MTOR: variants seen among roughly 807,000 people sequenced by gnomAD.
MTOR encodes the protein mechanistic target of rapamycin kinase.
In MTOR, 70 loss-of-function variants were observed where a neutral mutation model predicts 319.8. That is an observed-to-expected ratio of 0.22 (90% CI 0.18 to 0.27). MTOR has a LOEUF of 0.27. MTOR is among the 10% of genes least tolerant of loss of function. The pLI is 1.00. For synonymous variants in MTOR, 1,183 were observed against 1,211.4 expected (o/e 0.98, Z 0.49); for missense variants, 1,890 against 3,274.4 (o/e 0.58, Z 10.32).
At chr1:11,141,864 G>T (rs1269096771) in intron 34 of MTOR, among the ~76,000 whole-genome samples, 3 of 150,922 alleles carry the variant, frequency 2.0e-5, no homozygotes, top group African/African-American at 4.8e-5. Flanking sequence ...AGCCAGGCGT[G>T]GTGGTGGGCG....
intron 34 of MTOR, among the ~76,000 whole-genome samples, chr1:11,141,441 T>C (rs1643699406): frequency 1.3e-5 from 2 of 152,070 alleles, no homozygotes; most frequent in Non-Finnish European, 1.5e-5. Flanking sequence ...CGGTCTCGGC[T>C]CACTGCAACC....
intron 18 of MTOR, 130 bp from the exon 19 acceptor site, chr1:11,229,048 C>T: frequency 1.7e-6 from 2 of 1,203,412 alleles, no homozygotes; most frequent in African/African-American, 1.5e-5. Context: ...TATGTTCTAA[C>T]ACTGTTGGGA....
intron 49 of MTOR, among the ~76,000 whole-genome samples, chr1:11,119,046 G>A (rs1396153744): frequency 6.6e-6 from 1 of 152,070 alleles, no homozygotes; most frequent in African/African-American, 2.4e-5. Context: ...CTTGGGTTAA[G>A]ACTTAAATGT....
intron 28 of MTOR, chr1:11,193,829 C>T (rs1479701416): frequency 1.4e-5 from 21 of 1,546,562 alleles, no homozygotes; most frequent in Middle Eastern, 1.9e-4. Flanking sequence ...CACATGACCG[C>T]GTACAACTCC....
chr1:11,110,393 A>G (rs1231202527), intron 54 of MTOR, among the ~76,000 whole-genome samples: 1 of 152,152 alleles, frequency 6.6e-6, no homozygotes, highest in African/African-American at 2.4e-5. Flanking sequence ...GAATGAAGGT[A>G]GTGATAATTA....
At chr1:11,183,668 G>A (rs1266651422) in intron 28 of MTOR, among the ~76,000 whole-genome samples, 1 of 151,974 alleles carries the variant, frequency 6.6e-6, no homozygotes, top group African/African-American at 2.4e-5. Flanking sequence ...GCTTATCTTA[G>A]GAAGCCACTT....
Position 11,240,297 on chromosome 1 carries a change from T to G in MTOR, c.1786+6A>C. ...TATCTTGGCAAGAGCCGTTGTAATT[T>G]CTTACCTTCAAATTCAAAGCTGCCA... On this transcript the variant is annotated splice_donor_region_variant and intron_variant, in intron 11 of 57. Transcript: ENST00000361445. The G allele has an allele frequency of 6.5e-7, 1 of 1,550,294 alleles. No homozygotes were observed. The highest frequency in any genetic ancestry group is 8.7e-7 in the Non-Finnish European group (1 of 1,149,332).
chr1:11,138,519 C>T (rs187155292), intron 36 of MTOR, among the ~76,000 whole-genome samples: 1 of 152,298 alleles, frequency 6.6e-6, no homozygotes, highest in Admixed American at 6.5e-5. Context: ...AGTGTGCCTT[C>T]TGCAGAAACA....
chr1:11,106,658 C>G lies in MTOR; in HGVS notation c.*827G>C. Reference sequence around the variant, plus strand: ...GAGTATTTGTTCTGCTCATAATTTCCAATATGTACCAGACCTTCCCTGTGT... The same window carrying G: ...GAGTATTTGTTCTGCTCATAATTTCGAATATGTACCAGACCTTCCCTGTGT... On this transcript the variant is annotated 3_prime_UTR_variant, in exon 58 of 58. Coordinates refer to ENST00000361445, the MANE Select transcript of MTOR (RefSeq NM_004958.4). The G allele has an allele frequency of 9.1e-7, 1 of 1,104,116 alleles. No individual in the cohort carries two copies. The highest frequency in any genetic ancestry group is 4.5e-5 in the East Asian group (1 of 22,450). The allele number at this position is 1,104,116 out of a possible 1,614,324, so 68.4% of individuals were successfully genotyped here.
chr1:11,252,089 G>A (rs12143731), intron 6 of MTOR, among the ~76,000 whole-genome samples: 9,073 of 152,118 alleles, frequency 0.06, 385 homozygotes, highest in South Asian at 0.12. Flanking sequence ...ACCAAAATCT[G>A]CAGATGCTCA....
intron 25 of MTOR, among the ~76,000 whole-genome samples, chr1:11,207,276 A>AT (rs1646165650): frequency 6.6e-6 from 1 of 151,310 alleles, no homozygotes; most frequent in Non-Finnish European, 1.5e-5. Context: ...TAATTTTTGT[A>AT]TTTTTTGTAG....
At chr1:11,239,373 A>G (rs1201220614) in intron 11 of MTOR, among the ~76,000 whole-genome samples, 1 of 152,194 alleles carries the variant, frequency 6.6e-6, no homozygotes, top group African/African-American at 2.4e-5. Flanking sequence ...GAAATAAATT[A>G]TCATGGGTGT....
At chr1:11,193,746 A>C in intron 28 of MTOR, 3 of 1,614,138 alleles carry the variant, frequency 1.9e-6, no homozygotes, top group Non-Finnish European at 1.7e-6. Flanking sequence ...CTCTCCAGAC[A>C]GCCAACCCGG....
intron 28 of MTOR, among the ~76,000 whole-genome samples, chr1:11,197,424 G>A (rs1645823681): frequency 6.6e-6 from 1 of 152,198 alleles, no homozygotes; most frequent in Non-Finnish European, 1.5e-5. Context: ...AAGGTGATGG[G>A]AAGACACAGG....
At chr1:11,145,667 C>G (rs1177694884) in intron 32 of MTOR, among the ~76,000 whole-genome samples, 1 of 152,078 alleles carries the variant, frequency 6.6e-6, no homozygotes. Context: ...CCACGCCCAG[C>G]TAATTTTTGT....
At chr1:11,204,928 G>A (rs1230953199) in intron 25 of MTOR, among the ~76,000 whole-genome samples, 1 of 152,162 alleles carries the variant, frequency 6.6e-6, no homozygotes, top group East Asian at 1.9e-4. Context: ...CTTTGTGCTG[G>A]ACTCTGACTG....
At chr1:11,235,794 C>T (rs1159024869) in intron 13 of MTOR, among the ~76,000 whole-genome samples, 1 of 151,960 alleles carries the variant, frequency 6.6e-6, no homozygotes, top group Admixed American at 6.6e-5. Flanking sequence ...CCAGCCTGGC[C>T]AACATGGAGA....
chr1:11,247,861 C>T lies in MTOR; in HGVS notation c.1074G>A (p.Glu358=), dbSNP rs777832599. Residue 358 remains glutamate, a synonymous_variant, in exon 7 of 58, where the codon GAG becomes GAA. Coordinates refer to ENST00000361445, the MANE Select transcript of MTOR (RefSeq NM_004958.4). ...CCATCAAGTCTCTGCAACACCGGCT[C>T]TCCACCAGGGTGGACTTAGCTGGAC... ...SPSPAKSTLV[E]SRCCRDLMEE... is the part of the protein sequence containing the mutation. 1 of 1,614,104 alleles carries T rather than the reference C, an allele frequency of 6.2e-7. No individual in the cohort carries two copies. The highest frequency in any genetic ancestry group is 1.1e-5 in the South Asian group (1 of 91,082).
Position 11,240,442 on chromosome 1 carries a change from G to C in MTOR, c.1647C>G (p.His549Gln). 2 of 1,614,278 alleles carry C rather than the reference G, an allele frequency of 1.2e-6. No homozygotes were observed. Among genetic ancestry groups the C allele is most frequent in the Non-Finnish European group, 1.7e-6 (2 of 1,180,054 alleles). The change falls in exon 11 of 58, where the codon CAC (histidine) becomes CAG (glutamine). Residue 549 changes from histidine (H) to glutamine (Q), a missense_variant. Coordinates refer to ENST00000361445, the MANE Select transcript of MTOR (RefSeq NM_004958.4). The part of the protein sequence containing the change: ...LLKMLSLVLM[H>Q]KPLRHPGMPK... The stretch of plus-strand genomic sequence containing the variant: ...GCATGCCTGGGTGGCGAAGGGGTTT[G>C]TGCATAAGGACCAGGGACAGCATTT...
Sources: gnomAD v4.1 joint callset for allele counts (sites outside exome capture counted in the v4.1 genomes callset) on GRCh38, gnomAD v4.1.1 for gene constraint, MANE v1.5 for transcripts, NCBI Gene and HGNC (gene_info 2026-07-23, HGNC 2026-07-21) for gene names.